The following MFSD12 variants were observed in gnomAD, a reference collection of about 807,000 sequenced individuals.
MFSD12 encodes major facilitator superfamily domain containing 12.
MFSD12 carries 67 observed loss-of-function variants against 51.2 expected under a neutral mutation model. That is an observed-to-expected ratio of 1.31 (90% confidence interval 1.08 to 1.60). The LOEUF is 1.60. MFSD12 is among the 40% of genes most tolerant of loss of function. The pLI is 0.00. For missense variants in MFSD12, 921 were observed against 673.0 expected, an observed-to-expected ratio of 1.37 and a Z score of -4.08; for synonymous variants, 441 against 316.7, an observed-to-expected ratio of 1.39 and a Z score of -4.17.
In MFSD12 at chr19:3,544,822, G is replaced by T. The variant is rs201876501; in HGVS notation, c.1407C>A (p.Thr469=). Reference sequence around the variant, plus strand: ...GCCAGGACTCACAGCGTCGCAGGCGGGTCGGCCACAGCAGGAGGCTACAGA... The same window carrying T: ...GCCAGGACTCACAGCGTCGCAGGCGTGTCGGCCACAGCAGGAGGCTACAGA... ...LCLCSLLLWP[T]RLRRWDRDAR... The change falls in exon 9 of 10, where the codon ACC becomes ACA. Residue 469 remains threonine (T), a synonymous_variant. Transcript: ENST00000355415. 2 of 1,612,516 alleles carry T rather than the reference G, an allele frequency of 1.2e-6. No individual in the cohort carries two copies. The highest frequency in any genetic ancestry group is 1.1e-5 in the South Asian group (1 of 91,010).
In MFSD12 at chr19:3,544,464, C is replaced by G; in HGVS notation, c.*246G>C. 7.4e-7 allele frequency: 1 copy of G among 1,352,390 alleles called. No individual in the cohort carries two copies. Among genetic ancestry groups the G allele is most frequent in the Non-Finnish European group, 9.5e-7 (1 of 1,054,878 alleles). 83.8% of individuals were successfully genotyped at this position (1,352,390 alleles called of 1,614,324 possible). A position where few individuals can be genotyped will look rare whatever the true frequency, so the allele number is the denominator to read the frequency against. On this transcript the variant is annotated 3_prime_UTR_variant, in exon 10 of 10. Coordinates refer to ENST00000355415, the MANE Select transcript of MFSD12 (RefSeq NM_174983.5). ...CCCTGCCGAGAGGGGCACCCCAAAT[C>G]CTCCAGAGGGCTGGGATGGATTAGA...
intron 2 of MFSD12, among the ~76,000 whole-genome samples, chr19:3,550,402 T>G (rs1449523287): frequency 2.0e-5 from 3 of 151,878 alleles, no homozygotes; most frequent in East Asian, 1.9e-4. Context: ...TTTTTGTTTT[T>G]TTTTTTTGAG....
chr19:3,546,263 G>A lies in MFSD12; in HGVS notation c.1186C>T (p.Pro396Ser), dbSNP rs2031033010. ...SLAMTADLIG[P>S]HTNSGAFVYG... ...CTGGCTACCAGCCCTACCGTGTGGG[G>A]ACCGATGAGGTCGGCCGTCATGGCC... Residue 396 changes from proline to serine, a missense_variant, in exon 7 of 10, where the codon CCC becomes TCC. Pro to Ser is a moderately conservative substitution (Grantham distance 74, BLOSUM62 -1). Transcript: ENST00000355415. 6.2e-7 allele frequency: 1 copy of A among 1,610,808 alleles called. No homozygotes were observed. Among genetic ancestry groups the A allele is most frequent in the South Asian group, 1.1e-5 (1 of 90,840 alleles).
At position 3,551,262 on chromosome 19, in the gene MFSD12, T is replaced by C; in HGVS notation, c.299-68A>G. The C allele has an allele frequency of 7.7e-7, 1 of 1,294,610 alleles. No individual in the cohort carries two copies. Among genetic ancestry groups the C allele is most frequent in the East Asian group, 2.5e-5 (1 of 39,688 alleles). The allele number at this position is 1,294,610 out of a possible 1,614,324, so 80.2% of individuals were successfully genotyped here. On this transcript the variant is annotated intron_variant, in intron 1 of 9. Transcript: ENST00000355415. The surrounding 1 kb of genome is among the most constrained non-coding windows in gnomAD (Gnocchi z 4.6). ...AGCCAGGGCTCCCAGGGTGAGGACA[T>C]GGAGGGAGGAGAGAGGGAAACTGAG...
At chr19:3,550,058 G>A (rs954183282) in intron 2 of MFSD12, among the ~76,000 whole-genome samples, 3 of 152,026 alleles carry the variant, frequency 2.0e-5, no homozygotes, top group Admixed American at 1.3e-4. Flanking sequence ...CAGCCACCGT[G>A]ATCTCCACAG....
chr19:3,547,431 G>T, intron 5 of MFSD12, 24 bp downstream of exon 5: 2 of 1,611,878 alleles, frequency 1.2e-6, no homozygotes, highest in Non-Finnish European at 1.7e-6. Context: ...TCCCATCCCA[G>T]CGTCCCCGCC....
chr19:3,543,057 C>G (rs1028042902), downstream of MFSD12: 14 of 1,600,316 alleles, frequency 8.7e-6, no homozygotes, highest in Non-Finnish European at 1.1e-5. Flanking sequence ...CCTCTCTCCT[C>G]AAGCACCCAC....
At chr19:3,544,982 C>A (rs773685016) in intron 8 of MFSD12, 43 bp from the exon 9 acceptor site, 15 of 1,539,340 alleles carry the variant, frequency 9.7e-6, no homozygotes, top group South Asian at 1.2e-5. Context: ...GCGGGTACCA[C>A]CCCCCCGCCA....
At chr19:3,542,821 C>G (rs779010014), downstream of MFSD12, 6 of 1,373,782 alleles carry the variant, frequency 4.4e-6, no homozygotes, top group Admixed American at 9.5e-5. Context: ...TGGCTTAGTG[C>G]CAGCCCCAGA....
At chr19:3,546,959 G>A (rs1001668958) in intron 6 of MFSD12, among the ~76,000 whole-genome samples, 9 of 152,036 alleles carry the variant, frequency 5.9e-5, no homozygotes, top group Non-Finnish European at 1.0e-4. Flanking sequence ...TCAGCCTCCC[G>A]AATAGCTGGG....
At chr19:3,542,503 T>A (rs769986065), downstream of MFSD12, 163 of 966,804 alleles carry the variant, frequency 1.7e-4, no homozygotes, top group Non-Finnish European at 1.9e-4. Context: ...AGACAGAGTC[T>A]CACTCTGTTG....
At chr19:3,541,679 T>G, downstream of MFSD12, 1 of 985,250 alleles carries the variant, frequency 1.0e-6, no homozygotes, top group South Asian at 4.7e-5. Flanking sequence ...CTCCCGCAAG[T>G]GTGTAATAAC....
rs939554389 is a variant in MFSD12 at position 3,551,220 on chromosome 19, C to T, written c.299-26G>A. 3.4e-5 allele frequency: 52 copies of T among 1,551,518 alleles called. No individual in the cohort carries two copies. Among genetic ancestry groups the T allele is most frequent in the East Asian group, 4.7e-5 (2 of 42,824 alleles). On this transcript the variant is annotated intron_variant, in intron 1 of 9. Transcript: ENST00000355415. This position sits in a 1 kb window ranked among gnomAD's most constrained non-coding sequence, Gnocchi z 4.6. ...CTGTGGAAGGCAGAGTGGTCAGTCG[C>T]GGGGCTGTCCCGCACCAGCCAGGGC...
At chr19:3,550,641 C>A (rs1489705620) in intron 2 of MFSD12, among the ~76,000 whole-genome samples, 1 of 151,420 alleles carries the variant, frequency 6.6e-6, no homozygotes, top group Non-Finnish European at 1.5e-5. Context: ...CTGCCCACCT[C>A]GGCCTCCCAA....
At chr19:3,543,179 G>T, downstream of MFSD12, 1 of 1,525,586 alleles carries the variant, frequency 6.6e-7, no homozygotes, top group South Asian at 1.2e-5. Flanking sequence ...ATCGCAAAGG[G>T]GTCAAAGCAC....
chr19:3,554,407 A>G (rs1262980088), intron 1 of MFSD12, among the ~76,000 whole-genome samples: 1 of 151,130 alleles, frequency 6.6e-6, no homozygotes, highest in African/African-American at 2.4e-5. Context: ...ACTGCACTCC[A>G]GCCTGAGCGA....
chr19:3,545,620 C>T (rs2030943100), intron 8 of MFSD12, among the ~76,000 whole-genome samples: 1 of 152,258 alleles, frequency 6.6e-6, no homozygotes, highest in Non-Finnish European at 1.5e-5. Flanking sequence ...CACCTTTACA[C>T]ACCACCCACG....
chr19:3,538,877 G>A (rs1040917237), intron 4 of MFSD12: 1 of 621,140 alleles, frequency 1.6e-6, no homozygotes, highest in Non-Finnish European at 3.1e-6. Flanking sequence ...GGGGGAGACA[G>A]AAGCCCCTCA....
chr19:3,546,292 G>A lies in MFSD12; in HGVS notation c.1157C>T (p.Ser386Leu), dbSNP rs375475821. The change falls in exon 7 of 10, where the codon TCG (serine) becomes TTG (leucine). Residue 386 changes from serine to leucine, a missense_variant. Coordinates refer to ENST00000355415, the MANE Select transcript of MFSD12 (RefSeq NM_174983.5). Reference sequence around the variant, plus strand: ...GATGAGGTCGGCCGTCATGGCCAGCGAGGTGACGAGGATGGTGGCACAGCC... The same window carrying A: ...GATGAGGTCGGCCGTCATGGCCAGCAAGGTGACGAGGATGGTGGCACAGCC... The part of the protein sequence containing the change: ...GAGCATILVT[S>L]LAMTADLIGP... The A allele has an allele frequency of 2.6e-4, 413 of 1,610,136 alleles. No homozygotes were observed. The highest frequency in any genetic ancestry group is 3.3e-4 in the Non-Finnish European group (385 of 1,179,020).
Sources: allele counts gnomAD v4.1 joint callset (sites outside exome capture counted in the v4.1 genomes callset), GRCh38; gene constraint gnomAD v4.1.1; non-coding constraint Gnocchi (gnomAD v3.1); transcripts MANE v1.5; gene names NCBI Gene and HGNC (gene_info 2026-07-23, HGNC 2026-07-21).